The following TRDN variants were observed in gnomAD, a reference collection of about 807,000 sequenced individuals.
TRDN encodes the protein triadin in skeletal muscle.
A neutral mutation model predicts 149.7 loss-of-function variants in TRDN; 161 were observed. That is an observed-to-expected ratio of 1.08 (90% CI 0.95 to 1.23). The LOEUF (loss-of-function observed/expected upper bound fraction) is 1.23. Among genes scored for constraint, TRDN ranks in the 50% most tolerant of loss-of-function variants. TRDN has a pLI of 0.00. For synonymous variants in TRDN, 294 were observed against 250.5 expected, an observed-to-expected ratio of 1.17 and a Z score of -1.64; for missense variants, 896 against 823.5, an observed-to-expected ratio of 1.09 and a Z score of -1.08.
At chr6:123,635,949 A>G (rs1786287988) in intron 1 of TRDN, among the ~76,000 whole-genome samples, 2 of 152,062 alleles carry the variant, frequency 1.3e-5, no homozygotes, top group South Asian at 4.1e-4. Flanking sequence ...ACTAGCAACC[A>G]TCAAATAGAA....
At chr6:123,559,282 G>A (rs915344036) in intron 2 of TRDN, among the ~76,000 whole-genome samples, 5 of 152,082 alleles carry the variant, frequency 3.3e-5, no homozygotes, top group South Asian at 2.1e-4. Context: ...GGGTATTGAT[G>A]GCCAGGCTTC....
At chr6:123,345,130 A>T (rs1299985017) in intron 21 of TRDN, among the ~76,000 whole-genome samples, 2 of 151,946 alleles carry the variant, frequency 1.3e-5, no homozygotes, top group Non-Finnish European at 2.9e-5. Context: ...ACCCAAGGAC[A>T]CCTAAATCTT....
chr6:123,562,468 C>CATG (rs1562390979), intron 2 of TRDN, among the ~76,000 whole-genome samples: 1 of 152,190 alleles, frequency 6.6e-6, no homozygotes, highest in African/African-American at 2.4e-5. Context: ...TCACCCCTTC[C>CATG]ATGATGTGAG....
intron 12 of TRDN, among the ~76,000 whole-genome samples, chr6:123,423,778 A>G (rs1403364217): frequency 1.3e-5 from 2 of 152,104 alleles, no homozygotes; most frequent in Non-Finnish European, 2.9e-5. Flanking sequence ...GGGCAGCATT[A>G]TTTTCAAGAT....
intron 12 of TRDN, chr6:123,437,367 T>A (rs1382913619): frequency 3.1e-6 from 1 of 325,542 alleles, no homozygotes. Flanking sequence ...TTTCTCTACT[T>A]TATTGAGATA....
At chr6:123,321,521 C>A (rs147089306) in intron 23 of TRDN, among the ~76,000 whole-genome samples, 1 of 152,132 alleles carries the variant, frequency 6.6e-6, no homozygotes, top group African/African-American at 2.4e-5. Flanking sequence ...GCTATTACTA[C>A]TATTACCACT....
At chr6:123,279,122 C>T (rs765314624) in intron 24 of TRDN, 40 bp from the exon 25 acceptor site, 3 of 1,517,264 alleles carry the variant, frequency 2.0e-6, no homozygotes, top group Admixed American at 1.8e-5. Flanking sequence ...CTGAGTCATA[C>T]AATTCTTATT....
At chr6:123,513,613 A>G (rs895279875) in intron 6 of TRDN, among the ~76,000 whole-genome samples, 57 of 152,288 alleles carry the variant, frequency 3.7e-4, no homozygotes, top group African/African-American at 1.3e-3. Flanking sequence ...GGAGATGGCT[A>G]TATTGAAGTT....
rs905063358 is a variant in TRDN, at chr6:123,278,775, A to T, written c.1537+281T>A. ...CAGAGTGAGACTCTGTCTCAAAAAA[A>T]TTTTTTTTGAGAAAATAATGGAAAT... On this transcript the variant is annotated intron_variant, in intron 25 of 40. Coordinates refer to ENST00000334268, the MANE Select transcript of TRDN (RefSeq NM_006073.4). 6.6e-5 allele frequency among the ~76,000 whole-genome samples: 10 copies of T among 152,126 alleles called. No individual in the cohort carries two copies. The East Asian group carries it at 9.6e-4, about 15-fold the overall frequency.
intron 38 of TRDN, 92 bp from the exon 39 acceptor site, chr6:123,224,223 A>G (rs758948743): frequency 3.3e-6 from 4 of 1,227,010 alleles, no homozygotes; most frequent in Non-Finnish European, 4.7e-6. Flanking sequence ...AAGAGTCACA[A>G]GATCCCTGAA....
intron 38 of TRDN, among the ~76,000 whole-genome samples, chr6:123,238,539 C>A (rs1251068409): frequency 6.6e-6 from 1 of 151,990 alleles, no homozygotes. Flanking sequence ...GATGAAGAAG[C>A]ATTGAGAGAG....
chr6:123,547,445 C>T lies in TRDN; in HGVS notation c.392-73G>A, dbSNP rs549092273. 3.2e-5 allele frequency: 28 copies of T among 868,404 alleles called. No individual in the cohort carries two copies. In the African/African-American group the frequency reaches 3.8e-4, roughly 12 times the overall value. 53.8% of individuals were successfully genotyped at this position (868,404 alleles called of 1,614,324 possible). ...AGAATAATATGACATCATTATTTTCCCCTTTTGTTTATTTAAAAAAATCTA... is the reference window on the plus strand; with the variant it reads ...AGAATAATATGACATCATTATTTTCTCCTTTTGTTTATTTAAAAAAATCTA... On this transcript the variant is annotated intron_variant, in intron 3 of 40. Transcript: ENST00000334268.
chr6:123,352,258 G>A (rs1479629131), intron 21 of TRDN: 1 of 984,832 alleles, frequency 1.0e-6, no homozygotes, highest in African/African-American at 1.7e-5. Flanking sequence ...CTGGATCATT[G>A]TCTTATTCCC....
intron 4 of TRDN, among the ~76,000 whole-genome samples, chr6:123,534,834 C>T (rs1363723430): frequency 7.2e-5 from 11 of 152,078 alleles, no homozygotes; most frequent in Non-Finnish European, 7.4e-5. Context: ...TTTACTTAAA[C>T]ATCATGACAC....
rs780074430 is a variant in TRDN, at chr6:123,337,600, A to C, written c.1420+19T>G. 1 of 1,203,308 alleles carries C rather than the reference A, an allele frequency of 8.3e-7. No individual in the cohort carries two copies. Among genetic ancestry groups the C allele is most frequent in the South Asian group, 1.6e-5 (1 of 60,764 alleles). The allele number at this position is 1,203,308 out of a possible 1,614,324, so 74.5% of individuals were successfully genotyped here. The stretch of plus-strand genomic sequence containing the variant: ...TTTCCTAATAAATTTGTAATATTAT[A>C]TTAAATTAACTCTGTTACCTTTATC... On this transcript the variant is annotated intron_variant, in intron 22 of 40. Coordinates refer to ENST00000334268, the MANE Select transcript of TRDN (RefSeq NM_006073.4).
chr6:123,408,817 A>G (rs1442706436), intron 12 of TRDN, among the ~76,000 whole-genome samples: 2 of 152,182 alleles, frequency 1.3e-5, no homozygotes, highest in African/African-American at 4.8e-5. Flanking sequence ...AATCTCTGAC[A>G]AGAAAAATCA....
At chr6:123,629,390 T>C (rs1326856723) in intron 1 of TRDN, among the ~76,000 whole-genome samples, 7 of 152,144 alleles carry the variant, frequency 4.6e-5, no homozygotes, top group Admixed American at 6.6e-5. Flanking sequence ...AACACTTCAG[T>C]AACCTGTGTC....
intron 38 of TRDN, among the ~76,000 whole-genome samples, chr6:123,237,996 A>G (rs1484937482): frequency 6.6e-6 from 1 of 152,208 alleles, no homozygotes. Context: ...ATACATTAAA[A>G]GATGCTTAAA....
At chr6:123,356,520 T>TATATATATATATAC (rs1780687319) in intron 20 of TRDN, among the ~76,000 whole-genome samples, 1 of 25,700 alleles carries the variant, frequency 3.9e-5, no homozygotes, top group South Asian at 1.5e-3. Context: ...TATATATATA[T>TATATATATATATAC]ATATATATAT....
Sources: allele counts gnomAD v4.1 joint callset (sites outside exome capture counted in the v4.1 genomes callset), GRCh38; gene constraint gnomAD v4.1.1; transcripts MANE v1.5; gene names NCBI Gene and HGNC (gene_info 2026-07-23, HGNC 2026-07-21).